PSG3: variants seen among roughly 807,000 people sequenced by gnomAD.
PSG3 encodes pregnancy specific beta-1-glycoprotein 3, also known as pregnancy-specific beta-1-glycoprotein 3.
In PSG3, 61 loss-of-function variants were observed where a neutral mutation model predicts 47.5. That is an observed-to-expected ratio of 1.28 (90% CI 1.05 to 1.59). The LOEUF (loss-of-function observed/expected upper bound fraction) is 1.59, where lower values mean the gene tolerates loss of function less well. Ranked by LOEUF, PSG3 falls within the 40% of genes most tolerant of loss-of-function variation. The probability of loss-of-function intolerance (pLI) is 0.00; values close to 1 mark genes in which losing one functional copy is unlikely to be tolerated. For synonymous variants in PSG3, 263 were observed against 198.4 expected, an observed-to-expected ratio of 1.33 and a Z score of -2.74; for missense variants, 756 against 524.0, an observed-to-expected ratio of 1.44 and a Z score of -4.32.
At chr19:42,726,775 A>T (rs548808202) in intron 5 of PSG3, among the ~76,000 whole-genome samples, 1 of 152,324 alleles carries the variant, frequency 6.6e-6, no homozygotes, top group East Asian at 1.9e-4. Flanking sequence ...TTTGCAGTAA[A>T]AAAAAATCTG....
chr19:42,740,222 C>G, intron 1 of PSG3, 99 bp downstream of exon 1: 1 of 1,607,862 alleles, frequency 6.2e-7, no homozygotes, highest in Non-Finnish European at 8.5e-7. Context: ...TAAGTGCTGG[C>G]TTCTTTTATT....
intron 2 of PSG3, chr19:42,733,679 G>C (rs1969514269): frequency 6.4e-6 from 1 of 156,744 alleles, no homozygotes; most frequent in Non-Finnish European, 1.4e-5. Flanking sequence ...CATAGTGGCT[G>C]ACTTGAGCCA....
At position 42,732,954 on chromosome 19, in the gene PSG3, C is replaced by G. The variant is rs148948386; in HGVS notation, c.539G>C (p.Trp180Ser). Residue 180 changes from tryptophan (W) to serine (S), a missense_variant, in exon 3 of 7, where the codon TGG becomes TCG. Coordinates refer to ENST00000327495, the MANE Select transcript of PSG3 (RefSeq NM_021016.4). The part of the protein sequence containing the change: ...DPETPDASYL[W>S]WMNGQSLPMT... ...AGGGAGGCTCTGACCATTCATCCACCACAGGTAGCTTGCGTCCGGAGTCTC... is the reference window on the plus strand; with the variant it reads ...AGGGAGGCTCTGACCATTCATCCACGACAGGTAGCTTGCGTCCGGAGTCTC... 5.0e-6 allele frequency: 8 copies of G among 1,614,014 alleles called. No homozygotes were observed. The Admixed American group carries it at 6.7e-5, about 13-fold the overall frequency.
chr19:42,736,669 C>T (rs1350797531), intron 2 of PSG3, among the ~76,000 whole-genome samples: 5 of 140,972 alleles, frequency 3.5e-5, no homozygotes, highest in African/African-American at 1.5e-4. Flanking sequence ...TGCAGGAGGC[C>T]AGAAGAACTT....
intron 2 of PSG3, among the ~76,000 whole-genome samples, chr19:42,737,448 C>T (rs1455925451): frequency 1.3e-5 from 2 of 152,082 alleles, no homozygotes; most frequent in Admixed American, 6.6e-5. Context: ...CTCCTTGATC[C>T]TCTTGTGACA....
intron 1 of PSG3, among the ~76,000 whole-genome samples, chr19:42,740,003 C>T (rs1437174337): frequency 2.6e-5 from 4 of 151,108 alleles, no homozygotes; most frequent in East Asian, 2.0e-4. Context: ...CCCAGGCTGG[C>T]GTGCAGTGGC....
chr19:42,730,703 T>C (rs1218001173), intron 3 of PSG3, among the ~76,000 whole-genome samples: 3 of 152,158 alleles, frequency 2.0e-5, no homozygotes, highest in Admixed American at 6.5e-5. Context: ...CCTCTAAAGA[T>C]AGAGCAGAGT....
intron 5 of PSG3, among the ~76,000 whole-genome samples, chr19:42,727,225 C>A (rs568646718): frequency 6.6e-6 from 1 of 152,160 alleles, no homozygotes; most frequent in African/African-American, 2.4e-5. Flanking sequence ...CTGGTTGTAA[C>A]AACAAAAGCA....
chr19:42,725,693 T>C (rs1600379159), intron 5 of PSG3, among the ~76,000 whole-genome samples: 1 of 151,862 alleles, frequency 6.6e-6, no homozygotes, highest in Middle Eastern at 3.4e-3. Context: ...ACCCTGTCTC[T>C]ACAAAAAAAT....
At chr19:42,734,984 T>C (rs1251510985) in intron 2 of PSG3, among the ~76,000 whole-genome samples, 1 of 152,172 alleles carries the variant, frequency 6.6e-6, no homozygotes, top group African/African-American at 2.4e-5. Flanking sequence ...CAATGGTTTG[T>C]GTGTCTCCCC....
chr19:42,726,608 T>C (rs1187863378), intron 5 of PSG3, among the ~76,000 whole-genome samples: 1 of 152,140 alleles, frequency 6.6e-6, no homozygotes, highest in Non-Finnish European at 1.5e-5. Flanking sequence ...ATACCTGAAA[T>C]CTACAAAATA....
chr19:42,726,003 C>G (rs562964647), intron 5 of PSG3, among the ~76,000 whole-genome samples: 1 of 151,608 alleles, frequency 6.6e-6, no homozygotes, highest in South Asian at 2.1e-4. Context: ...ATTGGATAAC[C>G]TAGATGAAGT....
intron 2 of PSG3, among the ~76,000 whole-genome samples, chr19:42,737,528 C>T (rs1568754998): frequency 6.6e-6 from 1 of 151,940 alleles, no homozygotes; most frequent in Non-Finnish European, 1.5e-5. Flanking sequence ...GAGGGGGAGG[C>T]CTGGACATGT....
chr19:42,724,034 GA>G lies in PSG3; in HGVS notation c.1244-10del, dbSNP rs540905867. Reference sequence around the variant, plus strand: ...TCCTGTTCCTGAAGGAGCTGTCATGGAAAAAAAAGAAAAGAAGGAATGAAGA... The same window carrying G: ...TCCTGTTCCTGAAGGAGCTGTCATGGAAAAAAAGAAAAGAAGGAATGAAGA... On this transcript the variant is annotated splice_polypyrimidine_tract_variant and intron_variant, in intron 5 of 6. Coordinates refer to ENST00000327495, the MANE Select transcript of PSG3 (RefSeq NM_021016.4). 5.6e-6 allele frequency: 9 copies of G among 1,605,724 alleles called. No individual in the cohort carries two copies. Among genetic ancestry groups the G allele is most frequent in the South Asian group, 1.1e-5 (1 of 90,748 alleles).
At chr19:42,733,964 C>T (rs1969519462) in intron 2 of PSG3, 1 of 152,054 alleles carries the variant, frequency 6.6e-6, no homozygotes, top group Non-Finnish European at 1.5e-5. Flanking sequence ...GATATTAGAC[C>T]AATATTTGGG....
At chr19:42,732,711 C>A in intron 3 of PSG3, 73 bp downstream of exon 3, 2 of 1,614,072 alleles carry the variant, frequency 1.2e-6, no homozygotes, top group African/African-American at 2.7e-5. Flanking sequence ...CTGAGAGGGA[C>A]TGAGAGGCCT....
intron 3 of PSG3, among the ~76,000 whole-genome samples, chr19:42,731,528 T>C (rs1397007771): frequency 6.6e-6 from 1 of 152,192 alleles, no homozygotes; most frequent in Non-Finnish European, 1.5e-5. Flanking sequence ...GAAAGGCTGA[T>C]TGCTATTTTC....
intron 1 of PSG3, among the ~76,000 whole-genome samples, chr19:42,739,800 G>A (rs561785780): frequency 6.6e-6 from 1 of 152,266 alleles, no homozygotes; most frequent in East Asian, 1.9e-4. Flanking sequence ...GGCCCCTGAT[G>A]ATTAATCAGG....
chr19:42,726,786 T>C (rs1486785788), intron 5 of PSG3, among the ~76,000 whole-genome samples: 1 of 152,126 alleles, frequency 6.6e-6, no homozygotes, highest in Non-Finnish European at 1.5e-5. Context: ...AAAAAATCTG[T>C]CCTAAAATTT....
Sources: allele counts gnomAD v4.1 joint callset (sites outside exome capture counted in the v4.1 genomes callset), GRCh38; gene constraint gnomAD v4.1.1; transcripts MANE v1.5; gene names NCBI Gene and HGNC (gene_info 2026-07-23, HGNC 2026-07-21).